DENND5A: variants seen among roughly 807,000 people sequenced by gnomAD.
The protein encoded by DENND5A is DENN domain containing 5A.
Under a neutral mutation model 140.3 loss-of-function variants are expected in DENND5A, and 64 were observed. The observed-to-expected ratio is 0.46, with a 90% confidence interval of 0.37 to 0.56. DENND5A has a LOEUF of 0.56. DENND5A is among the 20% of genes least tolerant of loss of function. DENND5A has a pLI of 0.00. For synonymous variants in DENND5A, 605 were observed against 607.7 expected, an observed-to-expected ratio of 1.00 and a Z score of 0.07; for missense variants, 1,292 against 1,593.8, an observed-to-expected ratio of 0.81 and a Z score of 3.22.
chr11:9,221,976 C>G (rs999873914), intron 1 of DENND5A, among the ~76,000 whole-genome samples: 21 of 150,976 alleles, frequency 1.4e-4, no homozygotes, highest in Admixed American at 1.3e-3. Flanking sequence ...CCAGGATGGT[C>G]TTGATCTCCT....
At chr11:9,207,054 T>C (rs986047590) in intron 2 of DENND5A, 1 of 476,912 alleles carries the variant, frequency 2.1e-6, no homozygotes, top group African/African-American at 2.0e-5. Flanking sequence ...TTAATTTTCA[T>C]GGGAGAGAGT....
intron 10 of DENND5A, among the ~76,000 whole-genome samples, chr11:9,168,092 A>ATTTTTTTTTTTTTT (rs11285106): frequency 2.8e-5 from 4 of 141,984 alleles, no homozygotes; most frequent in Non-Finnish European, 3.1e-5. Flanking sequence ...AACCTCAGTG[A>ATTTTTTTTTTTTTT]TTTTTTTTTT....
chr11:9,245,079 C>T (rs548746696), intron 1 of DENND5A, among the ~76,000 whole-genome samples: 9 of 150,928 alleles, frequency 6.0e-5, no homozygotes, highest in Non-Finnish European at 8.9e-5. Context: ...GGTCAGGAGA[C>T]CAATACCATC....
At chr11:9,244,637 G>A (rs1851386704) in intron 1 of DENND5A, among the ~76,000 whole-genome samples, 1 of 152,116 alleles carries the variant, frequency 6.6e-6, no homozygotes, top group Non-Finnish European at 1.5e-5. Context: ...CCAAAGTGCT[G>A]GGATTACAGG....
In DENND5A at chr11:9,152,392, C is replaced by G. The variant is rs1405313591; in HGVS notation, c.2487G>C (p.Gln829His). 1 of 1,613,872 alleles carries G rather than the reference C, an allele frequency of 6.2e-7. No individual in the cohort carries two copies. The highest frequency in any genetic ancestry group is 8.5e-7 in the Non-Finnish European group (1 of 1,179,870). ...SHLLHYQDNR[Q>H]RKLTSGSLST... ...TGAGGCTTCCTGATGTGAGTTTTCT[C>G]TGCCGGTTGTCCTGATAATGTAACA... Residue 829 changes from glutamine (Q) to histidine (H), a missense_variant, in exon 13 of 23, where the codon CAG becomes CAC. Physicochemically the swap from Gln to His is conservative, Grantham distance 24. Coordinates refer to ENST00000328194, the MANE Select transcript of DENND5A (RefSeq NM_015213.4).
In DENND5A at chr11:9,144,194, C is replaced by A; in HGVS notation, c.3207G>T (p.Gln1069His). ...RILVGELLTS[Q>H]PEVDERPCRT... ...GGCATGGCCTCTCATCCACCTCAGG[C>A]TGGGATGTGAGCAGCTCCCCAACTA... The change falls in exon 19 of 23, where the codon CAG becomes CAT. Residue 1069 changes from glutamine to histidine, a missense_variant. Physicochemically the swap from Gln to His is conservative, Grantham distance 24 (BLOSUM62 0). Coordinates refer to ENST00000328194, the MANE Select transcript of DENND5A (RefSeq NM_015213.4). The A allele has an allele frequency of 6.2e-7, 1 of 1,614,200 alleles. No homozygotes were observed. The highest frequency in any genetic ancestry group is 8.5e-7 in the Non-Finnish European group (1 of 1,180,022).
rs186040758 is a variant in DENND5A at position 9,164,740 on chromosome 11, C to T, written c.2283+1096G>A. Among the ~76,000 whole-genome samples the T allele has an allele frequency of 4.5e-4, 69 of 152,210 alleles. 1 individual carries two copies. The highest frequency in any genetic ancestry group is 3.9e-3 in the Admixed American group (60 of 15,294). ...TGTTTCTAGATATAAGATATCATTGCTATCAGATAAAAATAAAGGGGAAAA... is the reference window on the plus strand; with the variant it reads ...TGTTTCTAGATATAAGATATCATTGTTATCAGATAAAAATAAAGGGGAAAA... On this transcript the variant is annotated intron_variant, in intron 11 of 22. Transcript: ENST00000328194.
At chr11:9,146,152 T>C (rs1488328073) in intron 16 of DENND5A, among the ~76,000 whole-genome samples, 1 of 152,224 alleles carries the variant, frequency 6.6e-6, no homozygotes, top group East Asian at 1.9e-4. Flanking sequence ...TTTAGAGCAC[T>C]CTTCAATCTA....
At chr11:9,140,228 G>A in intron 22 of DENND5A, 1 of 1,312,912 alleles carries the variant, frequency 7.6e-7, no homozygotes, top group Middle Eastern at 2.1e-4. Flanking sequence ...TGACATAAGA[G>A]ATTTAATCTT....
chr11:9,190,248 G>A (rs1403461215), intron 5 of DENND5A, among the ~76,000 whole-genome samples: 2 of 152,048 alleles, frequency 1.3e-5, no homozygotes, highest in Admixed American at 6.6e-5. Context: ...AGATTTTGGG[G>A]GACTGTTGGG....
In DENND5A at chr11:9,170,645, G is replaced by C. The variant is rs1848339814; in HGVS notation, c.2039C>G (p.Thr680Ser). The C allele has an allele frequency of 6.2e-7, 1 of 1,613,930 alleles. No individual in the cohort carries two copies. Among genetic ancestry groups the C allele is most frequent in the African/African-American group, 1.3e-5 (1 of 74,950 alleles). ...GACTCACTTGTTGCTGGCTGGCCCA[G>C]TGGAAAGTACATCAGACTGCAGCTT... is the stretch of plus-strand genomic sequence containing the variant. Reference protein sequence around the residue: ...FPKLQSDVLSTGPASNKWTKR... With the variant: ...FPKLQSDVLSSGPASNKWTKR... Residue 680 changes from threonine (T) to serine (S), a missense_variant, in exon 9 of 23, where the codon ACT becomes AGT. Physicochemically the swap from Thr to Ser is moderately conservative, Grantham distance 58. Around this residue, in one of 4 missense-constraint regions of DENND5A, gnomAD observed 199 missense variants for 189.1 expected, o/e 1.05. Coordinates refer to ENST00000328194, the MANE Select transcript of DENND5A (RefSeq NM_015213.4).
At chr11:9,257,558 T>G (rs1229957164) in intron 1 of DENND5A, among the ~76,000 whole-genome samples, 1 of 147,028 alleles carries the variant, frequency 6.8e-6, no homozygotes, top group Non-Finnish European at 1.5e-5. Context: ...CTCGGCTCAC[T>G]GCAAGCTCCG....
chr11:9,216,321 G>A (rs978285748), intron 1 of DENND5A, among the ~76,000 whole-genome samples: 2 of 152,158 alleles, frequency 1.3e-5, no homozygotes, highest in African/African-American at 4.8e-5. Context: ...TAAACTTTCA[G>A]TGAAAGACTG....
chr11:9,263,594 G>A (rs1412832037), intron 1 of DENND5A, among the ~76,000 whole-genome samples: 1 of 145,756 alleles, frequency 6.9e-6, no homozygotes, highest in Non-Finnish European at 1.5e-5. Flanking sequence ...TGTAATCCCA[G>A]CACTTTGGGA....
chr11:9,187,300 C>T (rs59398820), intron 5 of DENND5A, among the ~76,000 whole-genome samples: 5,605 of 152,206 alleles, frequency 0.037, 327 homozygotes, highest in African/African-American at 0.13. Flanking sequence ...TTACTTCTTA[C>T]CTAACAGCTT....
intron 12 of DENND5A, among the ~76,000 whole-genome samples, chr11:9,153,184 G>A (rs1847685251): frequency 6.6e-6 from 1 of 150,870 alleles, no homozygotes. Flanking sequence ...GGGAGTGGTG[G>A]CACACGCCTG....
At chr11:9,169,307 C>T (rs559266780) in intron 10 of DENND5A, among the ~76,000 whole-genome samples, 84 of 151,978 alleles carry the variant, frequency 5.5e-4, no homozygotes, top group African/African-American at 2.0e-3. Flanking sequence ...ATTATCTGCG[C>T]GTTGAGGTGG....
intron 7 of DENND5A, 97 bp from the exon 8 acceptor site, chr11:9,178,463 A>T (rs769841091): frequency 1.4e-6 from 1 of 726,458 alleles, no homozygotes; most frequent in Non-Finnish European, 2.3e-6. Context: ...GAGGCTGCCT[A>T]GGTCTTTAAG....
chr11:9,167,195 A>T (rs1042004324), intron 10 of DENND5A, among the ~76,000 whole-genome samples: 9 of 151,906 alleles, frequency 5.9e-5, no homozygotes, highest in Non-Finnish European at 1.2e-4. Context: ...TTTACCCTAA[A>T]CTTCTCCCTT....
Sources: allele counts gnomAD v4.1 joint callset (sites outside exome capture counted in the v4.1 genomes callset), GRCh38; gene constraint gnomAD v4.1.1; regional missense constraint gnomAD v4.1.1; transcripts MANE v1.5; gene names NCBI Gene and HGNC (gene_info 2026-07-23, HGNC 2026-07-21).